Variants in ASB14 observed in about 807,000 individuals in gnomAD.
ASB14 encodes ankyrin repeat and SOCS box protein 14.
Under a neutral mutation model 55.6 loss-of-function variants are expected in ASB14, and 63 were observed. The ratio of observed to expected loss-of-function variants is 1.13; its 90% CI spans 0.92 to 1.40. The LOEUF (loss-of-function observed/expected upper bound fraction) is 1.40. Ranked by LOEUF, ASB14 falls within the 40% of genes most tolerant of loss-of-function variation. ASB14 has a pLI of 0.00. For synonymous variants in ASB14, 256 were observed against 259.9 expected (o/e 0.98, Z 0.15); for missense variants, 724 against 710.4 (o/e 1.02, Z -0.22).
In ASB14 at chr3:57,269,112, A is replaced by T. The variant is rs2107613895; in HGVS notation, c.*529T>A. Reference sequence around the variant, plus strand: ...GAGGGAAGTGGCAAAGATGACATTGAAGTGAGGCTTTCTTGATAGGCGAGG... The same window carrying T: ...GAGGGAAGTGGCAAAGATGACATTGTAGTGAGGCTTTCTTGATAGGCGAGG... On this transcript the variant is annotated 3_prime_UTR_variant, in exon 11 of 11. Coordinates refer to ENST00000487349, the MANE Select transcript of ASB14 (RefSeq NM_001142733.3). 1 of 159,628 alleles carries T rather than the reference A, an allele frequency of 6.3e-6. No homozygotes were observed. Among genetic ancestry groups the T allele is most frequent in the Middle Eastern group, 3.2e-3 (1 of 308 alleles). The allele number at this position is 159,628 out of a possible 1,614,324, so 9.9% of individuals were successfully genotyped here.
At position 57,277,901 on chromosome 3, in the gene ASB14, A is replaced by G. The variant is rs778511259; in HGVS notation, c.1451T>C (p.Leu484Ser). 8.1e-6 allele frequency: 13 copies of G among 1,612,338 alleles called. No individual in the cohort carries two copies. In the African/African-American group the frequency reaches 1.7e-4, roughly 22 times the overall value. Reference protein sequence around the residue: ...KDTKFCEVITLSWLQHLSGKV... With the variant: ...KDTKFCEVITSSWLQHLSGKV... Reference sequence around the variant, plus strand: ...TCCAGAGAGATGTTGCAGCCATGACAAAGTTATTACTTCACAGAACTGAGG... The same window carrying G: ...TCCAGAGAGATGTTGCAGCCATGACGAAGTTATTACTTCACAGAACTGAGG... The change falls in exon 9 of 11, where the codon TTG (leucine) becomes TCG (serine). Residue 484 changes from leucine to serine, a missense_variant. By Grantham distance (145) the Leu-to-Ser change is moderately radical. Coordinates refer to ENST00000487349, the MANE Select transcript of ASB14 (RefSeq NM_001142733.3).
rs1382280623 is a variant in ASB14 at position 57,288,036 on chromosome 3, G to A, written c.334C>T (p.Gln112Ter). Residue 112 changes from glutamine to a stop codon, truncating the protein, a stop_gained, in exon 5 of 11, where the codon CAA (glutamine) becomes TAA (stop). Coordinates refer to ENST00000487349, the MANE Select transcript of ASB14 (RefSeq NM_001142733.3). LOFTEE classifies it high-confidence loss of function. ...LSASDPSLWEQTTHNGETPLF... is the reference protein window; with the variant it reads ...LSASDPSLWE ...GGCGTTTCACCATTGTGAGTGGTTTGCTCCCACAGACTGGGGTCTGAAGCT... is the reference window on the plus strand; with the variant it reads ...GGCGTTTCACCATTGTGAGTGGTTTACTCCCACAGACTGGGGTCTGAAGCT... The A allele has an allele frequency of 6.5e-7, 1 of 1,537,354 alleles. No individual in the cohort carries two copies. The highest frequency in any genetic ancestry group is 2.0e-5 in the Admixed American group (1 of 51,006).
chr3:57,283,910 A>G (rs1242807466), intron 5 of ASB14, among the ~76,000 whole-genome samples: 1 of 152,130 alleles, frequency 6.6e-6, no homozygotes, highest in African/African-American at 2.4e-5. Flanking sequence ...AAATATGCAT[A>G]TCTGGTGGGA....
chr3:57,287,751 G>A (rs529118867), intron 5 of ASB14, 150 bp downstream of exon 5: 1 of 874,458 alleles, frequency 1.1e-6, no homozygotes, highest in Non-Finnish European at 1.7e-6. Flanking sequence ...CCAGCCTATG[G>A]AAAGCTTCTG....
Position 57,283,285 on chromosome 3 carries a change from G to A in ASB14, c.624C>T (p.His208=). Residue 208 remains histidine, a synonymous_variant, in exon 6 of 11, where the codon CAC becomes CAT. Coordinates refer to ENST00000487349, the MANE Select transcript of ASB14 (RefSeq NM_001142733.3). The part of the protein sequence containing the change: ...MVKLMLVSGA[H]PDPQSTYGFT... ...ATCCATACGTGCTCTGTGGGTCAGG[G>A]TGTGCCCCAGAAACCAGCATAAGCT... The A allele has an allele frequency of 6.4e-7, 1 of 1,551,936 alleles. No homozygotes were observed. The highest frequency in any genetic ancestry group is 8.7e-7 in the Non-Finnish European group (1 of 1,147,050).
At chr3:57,287,381 A>T (rs1184870588) in intron 5 of ASB14, among the ~76,000 whole-genome samples, 3 of 152,078 alleles carry the variant, frequency 2.0e-5, no homozygotes, top group Admixed American at 2.0e-4. Context: ...CCAGCCTTCT[A>T]GGAGGAGGGC....
chr3:57,292,209 A>G (rs2061138281), intron 1 of ASB14, 105 bp from the exon 2 acceptor site: 2 of 868,920 alleles, frequency 2.3e-6, no homozygotes, highest in African/African-American at 1.7e-5. Flanking sequence ...AAAAATTTCT[A>G]TAAACTTAAA....
chr3:57,292,153 T>A, intron 1 of ASB14, 49 bp from the exon 2 acceptor site: 1 of 1,135,138 alleles, frequency 8.8e-7, no homozygotes, highest in Admixed American at 3.7e-5. Flanking sequence ...ATTGGTAGGA[T>A]TAACAATGAA....
At chr3:57,289,220 A>G (rs2061109009) in intron 2 of ASB14, 97 bp from the exon 3 acceptor site, 1 of 801,012 alleles carries the variant, frequency 1.2e-6, no homozygotes, top group African/African-American at 1.7e-5. Flanking sequence ...AGCAGTAGTT[A>G]ATCCGGGATG....
chr3:57,276,581 T>TA lies in ASB14; in HGVS notation c.1732dup (p.Tyr578LeufsTer16). The TA allele has an allele frequency of 1.2e-6, 2 of 1,612,340 alleles. No homozygotes were observed. Among genetic ancestry groups the TA allele is most frequent in the Non-Finnish European group, 1.7e-6 (2 of 1,179,318 alleles). ...GGTTCCTGTAAAAATTCCTTGTCCA[T>TA]AAAGGTCGTATTCTTTGTAAAGGAC... is the stretch of plus-strand genomic sequence containing the variant. On this transcript the variant is annotated frameshift_variant, in exon 10 of 11. Coordinates refer to ENST00000487349, the MANE Select transcript of ASB14 (RefSeq NM_001142733.3). LOFTEE classifies it high-confidence loss of function.
Position 57,268,519 on chromosome 3 carries a change from G to A in ASB14, c.*1122C>T. On this transcript the variant is annotated 3_prime_UTR_variant, in exon 11 of 11. Transcript: ENST00000487349. ...AGTCCTAATGTCTGGATCTTTATGT[G>A]TTGTTTGTGAAGACTTAATTCAGCA... is the stretch of plus-strand genomic sequence containing the variant. 1 of 1,548,428 alleles carries A rather than the reference G, an allele frequency of 6.5e-7. No homozygotes were observed. Among genetic ancestry groups the A allele is most frequent in the Non-Finnish European group, 8.7e-7 (1 of 1,152,966 alleles).
At chr3:57,280,542 A>G (rs2061031635) in intron 6 of ASB14, 69 bp from the exon 7 acceptor site, 8 of 1,389,488 alleles carry the variant, frequency 5.8e-6, no homozygotes, top group Non-Finnish European at 7.8e-6. Flanking sequence ...AATCTTAAAA[A>G]TATATCCCCA....
chr3:57,288,116 ATC>A (rs2061095415), intron 4 of ASB14, 37 bp downstream of exon 4: 5 of 1,535,422 alleles, frequency 3.3e-6, no homozygotes, highest in Admixed American at 2.0e-5. Flanking sequence ...TGTTAAATTT[ATC>A]TCTCAGAAGC....
chr3:57,275,971 G>A (rs1334255625), intron 10 of ASB14, among the ~76,000 whole-genome samples: 1 of 152,186 alleles, frequency 6.6e-6, no homozygotes, highest in East Asian at 1.9e-4. Context: ...AAAAAATACA[G>A]TATGTTTAGG....
intron 3 of ASB14, chr3:57,288,860 G>C: frequency 2.6e-6 from 1 of 391,856 alleles, no homozygotes; most frequent in Non-Finnish European, 4.6e-6. Flanking sequence ...GATTACAGGC[G>C]CCCGCCACCA....
At chr3:57,271,132 CTTTT>C (rs1043528843) in intron 10 of ASB14, 1 of 150,752 alleles carries the variant, frequency 6.6e-6, no homozygotes, top group Non-Finnish European at 1.5e-5. Flanking sequence ...GGGAAAAAGC[CTTTT>C]TTTTTCTTTG....
At chr3:57,285,183 G>T (rs565921115) in intron 5 of ASB14, among the ~76,000 whole-genome samples, 1 of 151,886 alleles carries the variant, frequency 6.6e-6, no homozygotes, top group African/African-American at 2.4e-5. Context: ...TCAGGTGACC[G>T]GCCGGCCTCG....
chr3:57,269,874 C>G lies in ASB14; in HGVS notation c.*23-256G>C, dbSNP rs1018446717. 1.6e-5 allele frequency: 10 copies of G among 633,208 alleles called. No homozygotes were observed. In the African/African-American group the frequency reaches 1.8e-4, roughly 12 times the overall value. 39.2% of individuals were successfully genotyped at this position (633,208 alleles called of 1,614,324 possible). A position where few individuals can be genotyped will look rare whatever the true frequency, so the allele number is the denominator to read the frequency against. Reference sequence around the variant, plus strand: ...AGGTTTGCATTGATCTTTTTTCCCCCTTAAACATAATGTACTATGTATTAA... The same window carrying G: ...AGGTTTGCATTGATCTTTTTTCCCCGTTAAACATAATGTACTATGTATTAA... On this transcript the variant is annotated intron_variant, in intron 10 of 10. Transcript: ENST00000487349.
chr3:57,272,332 G>GT (rs1299759431), intron 10 of ASB14: 1 of 152,124 alleles, frequency 6.6e-6, no homozygotes, highest in Non-Finnish European at 1.5e-5. Context: ...AGCTAGTCTA[G>GT]TTTTTGCCAC....
Sources: allele counts gnomAD v4.1 joint callset (sites outside exome capture counted in the v4.1 genomes callset), GRCh38; gene constraint gnomAD v4.1.1; transcripts MANE v1.5; gene names NCBI Gene and HGNC (gene_info 2026-07-23, HGNC 2026-07-21).